Variants in AFAP1L2 observed in about 807,000 individuals in gnomAD.
AFAP1L2 encodes the protein actin filament-associated protein 1-like 2.
In AFAP1L2, 46 loss-of-function variants were observed where a neutral mutation model predicts 99.3. The observed-to-expected ratio is 0.46, with a 90% CI of 0.37 to 0.59. AFAP1L2 has a LOEUF of 0.59. AFAP1L2 is among the 20% of genes least tolerant of loss of function. The pLI is 0.00. For synonymous variants in AFAP1L2, 397 were observed against 419.1 expected, an observed-to-expected ratio of 0.95 and a Z score of 0.64; for missense variants, 959 against 1,034.9, an observed-to-expected ratio of 0.93 and a Z score of 1.01.
chr10:114,378,694 AT>A (rs1191621879), intron 1 of AFAP1L2, among the ~76,000 whole-genome samples: 1 of 152,212 alleles, frequency 6.6e-6, no homozygotes. Flanking sequence ...AGCCAAGAAA[AT>A]GGCCTAGAGG....
At chr10:114,382,588 C>CTTCTT (rs747277134) in intron 1 of AFAP1L2, among the ~76,000 whole-genome samples, 2,624 of 93,068 alleles carry the variant, frequency 0.028, 212 homozygotes, top group African/African-American at 0.061. Context: ...TATTTCTTCT[C>CTTCTT]TTTTTTTTTT....
intron 1 of AFAP1L2, among the ~76,000 whole-genome samples, chr10:114,359,017 A>C (rs189200368): frequency 6.6e-6 from 1 of 152,208 alleles, no homozygotes; most frequent in Non-Finnish European, 1.5e-5. Context: ...ATTATGGTCC[A>C]TTTTGACCCT....
intron 4 of AFAP1L2, 32 bp downstream of exon 4, chr10:114,331,771 A>G (rs912632361): frequency 1.5e-6 from 2 of 1,317,376 alleles, no homozygotes; most frequent in South Asian, 4.5e-5. Flanking sequence ...GGCTCACGTC[A>G]GGGAAATCAG....
chr10:114,281,695 G>A, the AFAP1L2 span: 4 of 981,382 alleles, frequency 4.1e-6, no homozygotes, highest in Non-Finnish European at 4.8e-6. Flanking sequence ...AGCACACCTG[G>A]GGTGGAGGGG....
chr10:114,369,021 A>G (rs1254334084), intron 1 of AFAP1L2, among the ~76,000 whole-genome samples: 1 of 152,226 alleles, frequency 6.6e-6, no homozygotes, highest in Non-Finnish European at 1.5e-5. Context: ...CCACTATTTA[A>G]TAACTATAAC....
At position 114,310,407 on chromosome 10, in the gene AFAP1L2, C is replaced by T; in HGVS notation, c.829G>A (p.Ala277Thr). Reference protein sequence around the residue: ...QEVSGLPSEGASEGNQYTPDA... With the variant: ...QEVSGLPSEGTSEGNQYTPDA... ...GGGGTGTACTGGTTTCCTTCAGATG[C>T]TCCTTCGGAAGGCAGGCCGCTCACT... The change falls in exon 8 of 19, where the codon GCA becomes ACA. Residue 277 changes from alanine (A) to threonine (T), a missense_variant. By Grantham distance (58) the Ala-to-Thr change is moderately conservative (BLOSUM62 0). Coordinates refer to ENST00000304129, the MANE Select transcript of AFAP1L2 (RefSeq NM_001001936.3). The T allele has an allele frequency of 6.2e-7, 1 of 1,614,080 alleles. No homozygotes were observed. Among genetic ancestry groups the T allele is most frequent in the Non-Finnish European group, 8.5e-7 (1 of 1,179,962 alleles).
chr10:114,371,180 C>T (rs2054046012), intron 1 of AFAP1L2, among the ~76,000 whole-genome samples: 1 of 152,202 alleles, frequency 6.6e-6, no homozygotes, highest in South Asian at 2.1e-4. Context: ...CATCTCTCCT[C>T]ATCAGCTGCT....
downstream of AFAP1L2, chr10:114,290,018 A>C: frequency 2.4e-6 from 1 of 423,928 alleles, no homozygotes; most frequent in Non-Finnish European, 4.1e-6. Context: ...AAAGTCTGCC[A>C]TGTGTATGGC....
At chr10:114,291,458 C>T (rs1249191539), downstream of AFAP1L2, 5 of 548,050 alleles carry the variant, frequency 9.1e-6, no homozygotes, top group African/African-American at 9.8e-5. Context: ...CTGATGTCAC[C>T]CACAAACGAT....
chr10:114,385,011 C>T (rs663222), intron 1 of AFAP1L2, among the ~76,000 whole-genome samples: 148,813 of 152,324 alleles, frequency 0.98, 72,790 homozygotes, highest in East Asian at 1. Flanking sequence ...GCCAGGGACT[C>T]GAAGCACTGA....
intron 1 of AFAP1L2, among the ~76,000 whole-genome samples, chr10:114,397,673 T>C (rs898733458): frequency 2.0e-5 from 3 of 152,132 alleles, no homozygotes; most frequent in East Asian, 3.9e-4. Flanking sequence ...GTCATTCAAT[T>C]TGGGAAAGCT....
chr10:114,289,297 G>A, the AFAP1L2 span: 7 of 1,613,938 alleles, frequency 4.3e-6, no homozygotes, highest in African/African-American at 1.3e-5. Flanking sequence ...AGGCGGGAGA[G>A]GCGCAGAGGA....
chr10:114,295,547 G>C lies in AFAP1L2; in HGVS notation c.*495C>G. 1 of 985,992 alleles carries C rather than the reference G, an allele frequency of 1.0e-6. No homozygotes were observed. Among genetic ancestry groups the C allele is most frequent in the Non-Finnish European group, 1.2e-6 (1 of 830,382 alleles). 61.1% of individuals were successfully genotyped at this position (985,992 alleles called of 1,614,324 possible). A position where few individuals can be genotyped will look rare whatever the true frequency, so the allele number is the denominator to read the frequency against. ...TTAAAATCACTGAAGACTGAGTTGG[G>C]CCTGGTAATATTGGAGAGAACTGAA... On this transcript the variant is annotated 3_prime_UTR_variant, in exon 19 of 19. Coordinates refer to ENST00000304129, the MANE Select transcript of AFAP1L2 (RefSeq NM_001001936.3).
At chr10:114,303,172 A>C (rs950867530) in intron 11 of AFAP1L2, among the ~76,000 whole-genome samples, 1 of 151,940 alleles carries the variant, frequency 6.6e-6, no homozygotes, top group African/African-American at 2.4e-5. Flanking sequence ...ATTTAATCAA[A>C]GCTATAGGTT....
chr10:114,314,162 C>T (rs1381692608), intron 6 of AFAP1L2, 112 bp from the exon 7 acceptor site: 1 of 1,057,950 alleles, frequency 9.5e-7, no homozygotes, highest in African/African-American at 1.6e-5. Flanking sequence ...CCTGACTTAA[C>T]CCAGCAAGAC....
chr10:114,337,610 G>A lies in AFAP1L2; in HGVS notation c.145+2993C>T, dbSNP rs986653292. Reference sequence around the variant, plus strand: ...CTGCAGAGTCCACGGAGAGGGGAAGGCCTGACTTTATAAGAGCCGATCAAG... The same window carrying A: ...CTGCAGAGTCCACGGAGAGGGGAAGACCTGACTTTATAAGAGCCGATCAAG... On this transcript the variant is annotated intron_variant, in intron 2 of 18. Coordinates refer to ENST00000304129, the MANE Select transcript of AFAP1L2 (RefSeq NM_001001936.3). Among the ~76,000 whole-genome samples, 3 of 152,132 alleles carry A rather than the reference G, an allele frequency of 2.0e-5. No homozygotes were observed. The South Asian group carries it at 6.2e-4, about 32-fold the overall frequency.
chr10:114,283,627 T>C, the AFAP1L2 span, among the ~76,000 whole-genome samples: 1 of 152,244 alleles, frequency 6.6e-6, no homozygotes. Context: ...ATGTGACTTC[T>C]ATTCATTGAG....
In AFAP1L2 at chr10:114,324,407, C is replaced by A. The variant is rs1046714770; in HGVS notation, c.316-1146G>T. Among the ~76,000 whole-genome samples, 211 of 148,842 alleles carry A rather than the reference C, an allele frequency of 1.4e-3. 7 individuals carry two copies. The highest frequency in any genetic ancestry group is 5.2e-3 in the African/African-American group (204 of 39,198). ...TACAGGGGTGCACCACCCCCCCCCC[C>A]CCCCCGGCTAATTTTTGTATTTTTA... is the stretch of plus-strand genomic sequence containing the variant. On this transcript the variant is annotated intron_variant, in intron 4 of 18. Coordinates refer to ENST00000304129, the MANE Select transcript of AFAP1L2 (RefSeq NM_001001936.3).
At chr10:114,307,685 A>G in intron 10 of AFAP1L2, 120 bp downstream of exon 10, 1 of 776,528 alleles carries the variant, frequency 1.3e-6, no homozygotes, top group Non-Finnish European at 2.2e-6. Flanking sequence ...CAGGCTCTCC[A>G]TTCCTAGAGA....
Sources: gnomAD v4.1 joint callset for allele counts (sites outside exome capture counted in the v4.1 genomes callset) on GRCh38, gnomAD v4.1.1 for gene constraint, MANE v1.5 for transcripts, NCBI Gene and HGNC (gene_info 2026-07-23, HGNC 2026-07-21) for gene names.